PITPNM2: variants seen among roughly 807,000 people sequenced by gnomAD.
PITPNM2 encodes the protein phosphatidylinositol transfer protein membrane associated 2, also known as membrane-associated phosphatidylinositol transfer protein 2.
In PITPNM2, 35 loss-of-function variants were observed where a neutral mutation model predicts 132.2. The observed-to-expected ratio is 0.26, with a 90% CI of 0.20 to 0.35. PITPNM2 has a LOEUF of 0.35. Among genes scored for constraint, PITPNM2 ranks in the 10% least tolerant of loss-of-function variants. PITPNM2 has a pLI of 1.00. For synonymous variants in PITPNM2, 738 were observed against 799.2 expected (o/e 0.92, Z 1.29); for missense variants, 1,332 against 1,912.0 (o/e 0.70, Z 5.66).
chr12:123,130,381 T>A (rs1272861276), intron 1 of PITPNM2, among the ~76,000 whole-genome samples: 1 of 152,088 alleles, frequency 6.6e-6, no homozygotes, highest in Non-Finnish European at 1.5e-5. Flanking sequence ...CAGCTCTGCC[T>A]CCTTCATTTG....
At chr12:123,050,006 CAAG>C (rs972651230) in intron 2 of PITPNM2, among the ~76,000 whole-genome samples, 2 of 152,220 alleles carry the variant, frequency 1.3e-5, no homozygotes, top group African/African-American at 4.8e-5. Flanking sequence ...TAAGATTCTC[CAAG>C]AATAGTGCAC....
intron 3 of PITPNM2, among the ~76,000 whole-genome samples, chr12:123,032,618 C>CG (rs2040133388): frequency 6.6e-6 from 1 of 152,112 alleles, no homozygotes; most frequent in Non-Finnish European, 1.5e-5. Flanking sequence ...TGACAGCCAC[C>CG]GGGAGGCCAG....
At chr12:123,136,879 CG>C (rs1311792535) in intron 1 of PITPNM2, among the ~76,000 whole-genome samples, 2 of 152,150 alleles carry the variant, frequency 1.3e-5, no homozygotes, top group African/African-American at 4.8e-5. Context: ...CCAGATAGAG[CG>C]AGACTCCGTC....
rs79081978 is a variant in PITPNM2 at position 123,010,070 on chromosome 12, G to T, written c.423C>A (p.Ile141=). Residue 141 remains isoleucine (I), a synonymous_variant, in exon 6 of 26, where the codon ATC becomes ATA. Coordinates refer to ENST00000320201, the MANE Select transcript of PITPNM2 (RefSeq NM_020845.3). Reference sequence around the variant, plus strand: ...GGGGCACAGGGTCTTTGACAATGTCGATGAAGTCTGTGGGTAAACCCTTAG... The same window carrying T: ...GGGGCACAGGGTCTTTGACAATGTCTATGAAGTCTGTGGGTAAACCCTTAG... ...VEKNQLTIDF[I]DIVKDPVPHN... is the part of the protein sequence containing the mutation. 1,268 of 1,613,310 alleles carry T rather than the reference G, an allele frequency of 7.9e-4. 25 individuals carry two copies. In the East Asian group the frequency reaches 0.027, roughly 34 times the overall value.
intron 3 of PITPNM2, among the ~76,000 whole-genome samples, chr12:123,019,198 T>C (rs181870904): frequency 1.3e-5 from 2 of 152,154 alleles, no homozygotes; most frequent in East Asian, 3.9e-4. Flanking sequence ...AGTGGGTGAA[T>C]TATATGGTGT....
At chr12:123,107,314 C>T (rs903346178) in intron 2 of PITPNM2, among the ~76,000 whole-genome samples, 25 of 152,350 alleles carry the variant, frequency 1.6e-4, no homozygotes, top group Admixed American at 7.8e-4. Flanking sequence ...AGAAGCTCTG[C>T]TCACCAATGC....
At chr12:123,024,335 T>C (rs1001585089) in intron 3 of PITPNM2, among the ~76,000 whole-genome samples, 2 of 152,138 alleles carry the variant, frequency 1.3e-5, no homozygotes, top group Non-Finnish European at 2.9e-5. Context: ...GAACGTAAAA[T>C]GGTGCAGCTG....
intron 1 of PITPNM2, among the ~76,000 whole-genome samples, chr12:123,114,669 C>G (rs1308974299): frequency 6.6e-6 from 1 of 151,994 alleles, no homozygotes; most frequent in Non-Finnish European, 1.5e-5. Context: ...AGCTATGAGG[C>G]CTCACTCAAG....
chr12:123,132,990 G>A (rs2043301020), intron 1 of PITPNM2, among the ~76,000 whole-genome samples: 1 of 152,186 alleles, frequency 6.6e-6, no homozygotes. Context: ...TTTGGCCGCT[G>A]AGAACAGCAC....
chr12:123,062,014 C>T (rs2041253570), intron 2 of PITPNM2, among the ~76,000 whole-genome samples: 1 of 152,010 alleles, frequency 6.6e-6, no homozygotes, highest in African/African-American at 2.4e-5. Context: ...TAGGGAGGCC[C>T]TGCAGCAACT....
intron 2 of PITPNM2, among the ~76,000 whole-genome samples, chr12:123,049,261 G>A (rs552575426): frequency 2.3e-4 from 35 of 152,290 alleles, no homozygotes; most frequent in African/African-American, 7.2e-4. Flanking sequence ...GCTCCCAAGC[G>A]TGCTTGTCCA....
chr12:123,047,848 C>A (rs1033245285), intron 2 of PITPNM2, among the ~76,000 whole-genome samples: 5 of 151,630 alleles, frequency 3.3e-5, no homozygotes, highest in African/African-American at 1.2e-4. Flanking sequence ...CGCCTGTAAT[C>A]CCAGTACTTT....
At position 122,995,583 on chromosome 12, in the gene PITPNM2, A is replaced by ACCGCCACCG. The variant is rs771483211; in HGVS notation, c.1851_1859dup (p.Gly620_Gly622dup). Reference sequence around the variant, plus strand: ...TGCCACCACCACCACTGCTGCCACCACCGCCACCGCCGCCACCGCCACCAC... The same window carrying ACCGCCACCG: ...TGCCACCACCACCACTGCTGCCACCACCGCCACCGCCGCCACCGCCGCCACCGCCACCAC... On this transcript the variant is annotated inframe_insertion, in exon 14 of 26. Transcript: ENST00000320201. The ACCGCCACCG allele has an allele frequency of 5.1e-6, 8 of 1,578,680 alleles. No individual in the cohort carries two copies. The Admixed American group carries it at 5.1e-5, about 10-fold the overall frequency.
At chr12:123,016,435 C>T (rs928509359) in intron 3 of PITPNM2, among the ~76,000 whole-genome samples, 3 of 151,580 alleles carry the variant, frequency 2.0e-5, no homozygotes, top group African/African-American at 7.3e-5. Flanking sequence ...CCTGCCTCAG[C>T]CTCCCAAATA....
chr12:122,988,210 C>T, intron 20 of PITPNM2, 24 bp downstream of exon 20: 1 of 1,597,490 alleles, frequency 6.3e-7, no homozygotes, highest in Non-Finnish European at 8.6e-7. Flanking sequence ...ATCGTGGGGG[C>T]CTGGGCGCCC....
chr12:123,084,807 T>G (rs755732549), intron 2 of PITPNM2: 1 of 152,218 alleles, frequency 6.6e-6, no homozygotes, highest in Non-Finnish European at 1.5e-5. Flanking sequence ...CTTAAATGGA[T>G]TACCAGCCCT....
intron 2 of PITPNM2, chr12:123,089,624 T>A (rs2042206194): frequency 6.6e-6 from 1 of 152,086 alleles, no homozygotes; most frequent in African/African-American, 2.4e-5. Flanking sequence ...ACAAAAAAGA[T>A]CTCGAATACC....
chr12:123,060,861 C>A (rs1424296334), intron 2 of PITPNM2, among the ~76,000 whole-genome samples: 6 of 152,142 alleles, frequency 3.9e-5, no homozygotes, highest in Non-Finnish European at 8.8e-5. Context: ...GAAGAACTTG[C>A]AATCCAACCC....
rs1321241881 is a variant in PITPNM2 at position 123,058,991 on chromosome 12, G to A, written c.-95-24306C>T. On this transcript the variant is annotated intron_variant, in intron 2 of 25. Transcript: ENST00000320201. The surrounding 1 kb of genome is among the most constrained non-coding windows in gnomAD (Gnocchi z 4.0). ...AACCATGAAGCTCAGGGCAGCACCC[G>A]CATCTGCTTCATTTCTGCATCTTCA... Among the ~76,000 whole-genome samples, 1 of 152,140 alleles carries A rather than the reference G, an allele frequency of 6.6e-6. No homozygotes were observed. Among genetic ancestry groups the A allele is most frequent in the African/African-American group, 2.4e-5 (1 of 41,434 alleles).
Sources: allele counts gnomAD v4.1 joint callset (sites outside exome capture counted in the v4.1 genomes callset), GRCh38; gene constraint gnomAD v4.1.1; non-coding constraint Gnocchi (gnomAD v3.1); transcripts MANE v1.5; gene names NCBI Gene and HGNC (gene_info 2026-07-23, HGNC 2026-07-21).